Variants in BMPER observed in about 807,000 individuals in gnomAD.
The protein encoded by BMPER is BMP binding endothelial regulator.
BMPER carries 45 observed loss-of-function variants against 87.3 expected under a neutral mutation model. That is an observed-to-expected ratio of 0.52 (90% CI 0.41 to 0.66). The LOEUF (loss-of-function observed/expected upper bound fraction) is 0.66. Among genes scored for constraint, BMPER ranks in the 30% least tolerant of loss-of-function variants. BMPER has a pLI of 0.00. For synonymous variants in BMPER, 326 were observed against 316.2 expected, an observed-to-expected ratio of 1.03 and a Z score of -0.33; for missense variants, 784 against 867.5, an observed-to-expected ratio of 0.90 and a Z score of 1.21.
upstream of BMPER, chr7:33,905,414 C>A (rs1783781119): frequency 4.2e-6 from 1 of 236,448 alleles, no homozygotes; most frequent in Non-Finnish European, 8.3e-6. Context: ...CCCTCCTCCC[C>A]GGGCGCCCCC....
intron 12 of BMPER, among the ~76,000 whole-genome samples, chr7:34,082,716 G>A (rs757914687): frequency 1.2e-4 from 19 of 152,160 alleles, no homozygotes; most frequent in Admixed American, 7.9e-4. Context: ...ACTGTGAGTT[G>A]AATTCCCATG....
chr7:33,983,932 C>A (rs1417623764), intron 6 of BMPER, among the ~76,000 whole-genome samples: 1 of 152,192 alleles, frequency 6.6e-6, no homozygotes, highest in African/African-American at 2.4e-5. Flanking sequence ...CCAAAGTTCA[C>A]ACGTCTAAGC....
intron 13 of BMPER, among the ~76,000 whole-genome samples, chr7:34,110,809 A>G (rs1583449809): frequency 1.3e-5 from 2 of 152,216 alleles, no homozygotes; most frequent in East Asian, 1.9e-4. Flanking sequence ...AAACTGAATA[A>G]TCAGACAAAA....
chr7:34,121,078 A>G (rs4720152), intron 13 of BMPER, among the ~76,000 whole-genome samples: 115,340 of 151,110 alleles, frequency 0.76, 44,621 homozygotes, highest in East Asian at 0.95. Flanking sequence ...ATGTATACTT[A>G]TAGATTATTT....
At chr7:33,916,021 A>G (rs1784080473) in intron 2 of BMPER, among the ~76,000 whole-genome samples, 1 of 152,224 alleles carries the variant, frequency 6.6e-6, no homozygotes, top group Non-Finnish European at 1.5e-5. Context: ...CACTTTAGAA[A>G]TGATAGCTAC....
At chr7:34,010,982 A>G (rs1021397981) in intron 6 of BMPER, among the ~76,000 whole-genome samples, 13 of 152,052 alleles carry the variant, frequency 8.5e-5, no homozygotes, top group African/African-American at 3.1e-4. Flanking sequence ...GAATACTTGA[A>G]TTTAAGAGGA....
At position 33,905,696 on chromosome 7, in the gene BMPER, T is replaced by C; in HGVS notation, c.83T>C (p.Leu28Pro). Residue 28 changes from leucine (L) to proline (P), a missense_variant, in exon 1 of 15, where the codon CTA (leucine) becomes CCA (proline). Leu to Pro is a moderately conservative substitution (Grantham distance 98). Transcript: ENST00000649409. The part of the protein sequence containing the change: ...SPGITCCVLL[L>P]LNCSGVPMSL... ...GGGATTACGTGCTGCGTCTTGCTGC[T>C]ACTCAATTGCTCGGGGGTCCCCATG... 1 of 1,612,400 alleles carries C rather than the reference T, an allele frequency of 6.2e-7. No homozygotes were observed. The highest frequency in any genetic ancestry group is 8.5e-7 in the Non-Finnish European group (1 of 1,179,366).
chr7:34,066,308 G>A (rs1370592793), intron 11 of BMPER, among the ~76,000 whole-genome samples: 1 of 152,234 alleles, frequency 6.6e-6, no homozygotes, highest in Non-Finnish European at 1.5e-5. Flanking sequence ...GAGCAATGAT[G>A]ATTCTCTCAA....
chr7:34,112,289 T>C (rs981216158), intron 13 of BMPER, among the ~76,000 whole-genome samples: 19 of 151,044 alleles, frequency 1.3e-4, no homozygotes, highest in Non-Finnish European at 2.4e-4. Flanking sequence ...GGTCAGGAGA[T>C]TGAGACCATC....
intron 2 of BMPER, among the ~76,000 whole-genome samples, chr7:33,909,262 G>T (rs1366350415): frequency 1.3e-5 from 2 of 152,088 alleles, no homozygotes; most frequent in Non-Finnish European, 2.9e-5. Flanking sequence ...TAGTGGAGCC[G>T]AAACTGTCTC....
chr7:34,082,335 T>TTTTTG (rs1789073981), intron 12 of BMPER, among the ~76,000 whole-genome samples: 1 of 150,652 alleles, frequency 6.6e-6, no homozygotes, highest in Non-Finnish European at 1.5e-5. Flanking sequence ...TTAGTTTTTT[T>TTTTTG]TTTTTTTTTT....
chr7:33,963,592 G>A (rs1423559793), intron 3 of BMPER, among the ~76,000 whole-genome samples: 1 of 151,968 alleles, frequency 6.6e-6, no homozygotes, highest in Non-Finnish European at 1.5e-5. Flanking sequence ...TCAGGAGTTC[G>A]AGACCAGCCT....
intron 6 of BMPER, among the ~76,000 whole-genome samples, chr7:33,990,462 T>C (rs1786174512): frequency 6.9e-6 from 1 of 143,902 alleles, no homozygotes; most frequent in African/African-American, 2.6e-5. Flanking sequence ...TGTACATTGA[T>C]TTTGTATCCT....
chr7:33,926,194 T>C (rs926504896), intron 2 of BMPER, among the ~76,000 whole-genome samples: 11 of 152,212 alleles, frequency 7.2e-5, no homozygotes, highest in African/African-American at 2.4e-4. Flanking sequence ...TCAAAAATAT[T>C]AGTTAAACAG....
At chr7:33,988,885 G>A (rs1304185573) in intron 6 of BMPER, among the ~76,000 whole-genome samples, 1 of 125,264 alleles carries the variant, frequency 8.0e-6, no homozygotes, top group East Asian at 2.6e-4. Context: ...TTGTTCTCGC[G>A]ATAGTTTACT....
intron 7 of BMPER, among the ~76,000 whole-genome samples, chr7:34,047,253 C>T (rs930166097): frequency 1.3e-5 from 2 of 150,984 alleles, no homozygotes; most frequent in Non-Finnish European, 3.0e-5. Flanking sequence ...TATATGCTAC[C>T]TTCTTCTTCT....
At chr7:34,081,358 A>G (rs1395687541) in intron 12 of BMPER, among the ~76,000 whole-genome samples, 1 of 152,252 alleles carries the variant, frequency 6.6e-6, no homozygotes, top group Non-Finnish European at 1.5e-5. Flanking sequence ...ACTTTCTTCA[A>G]AATAGCAAGT....
rs1371507659 is a variant in BMPER, at chr7:33,970,375, A to C, written c.449A>C (p.Lys150Thr). The C allele has an allele frequency of 4.3e-6, 7 of 1,614,150 alleles. No individual in the cohort carries two copies. Among genetic ancestry groups the C allele is most frequent in the Non-Finnish European group, 5.9e-6 (7 of 1,180,004 alleles). ...GGGGTGCGCTGTGTTGTTCATTGTA[A>C]AAACCCTTTGGAGCATCTGGGAATG... The part of the protein sequence containing the change: ...ESGVRCVVHC[K>T]NPLEHLGMCC... Residue 150 changes from lysine to threonine, a missense_variant, in exon 5 of 15, where the codon AAA becomes ACA. Transcript: ENST00000649409.
At chr7:34,031,460 A>G (rs1787514698) in intron 6 of BMPER, among the ~76,000 whole-genome samples, 1 of 152,100 alleles carries the variant, frequency 6.6e-6, no homozygotes, top group Non-Finnish European at 1.5e-5. Flanking sequence ...AAGTGCTTTG[A>G]AACTTTATGC....
Sources: allele counts gnomAD v4.1 joint callset (sites outside exome capture counted in the v4.1 genomes callset), GRCh38; gene constraint gnomAD v4.1.1; transcripts MANE v1.5; gene names NCBI Gene and HGNC (gene_info 2026-07-23, HGNC 2026-07-21).